MEGF10: variants seen among roughly 807,000 people sequenced by gnomAD.
MEGF10 encodes the protein multiple EGF like domains 10.
In MEGF10, 86 loss-of-function variants were observed where a neutral mutation model predicts 147.5. That is an observed-to-expected ratio of 0.58 (90% CI 0.49 to 0.70). The LOEUF is 0.70. Among genes scored for constraint, MEGF10 ranks in the 30% least tolerant of loss-of-function variants. MEGF10 has a pLI of 0.00. For synonymous variants in MEGF10, 478 were observed against 525.5 expected (o/e 0.91, Z 1.24); for missense variants, 1,329 against 1,487.3 (o/e 0.89, Z 1.75).
At chr5:127,238,322 C>T in the MEGF10 span, among the ~76,000 whole-genome samples, 1 of 152,090 alleles carries the variant, frequency 6.6e-6, no homozygotes, top group African/African-American at 2.4e-5. Flanking sequence ...TCCCAAATTT[C>T]TGGGATTACA....
intron 24 of MEGF10, among the ~76,000 whole-genome samples, chr5:127,456,386 C>G (rs1011175110): frequency 1.6e-4 from 24 of 152,192 alleles, no homozygotes; most frequent in Non-Finnish European, 3.2e-4. Context: ...CATTCCACCA[C>G]TACTCTTGGC....
the MEGF10 span, among the ~76,000 whole-genome samples, chr5:127,255,181 G>C: frequency 1.3e-5 from 2 of 151,994 alleles, no homozygotes; most frequent in African/African-American, 2.4e-5. Context: ...GGAGTCAGTT[G>C]GTTGCCAGAA....
the MEGF10 span, among the ~76,000 whole-genome samples, chr5:127,247,282 G>T: frequency 4.0e-5 from 5 of 123,916 alleles, 1 homozygote; most frequent in South Asian, 1.1e-3. Flanking sequence ...TGTGTGTGTG[G>T]TTGGGGGGTG....
chr5:127,295,548 T>C (rs1208008226), intron 1 of MEGF10, among the ~76,000 whole-genome samples: 1 of 152,354 alleles, frequency 6.6e-6, no homozygotes, highest in East Asian at 1.9e-4. Flanking sequence ...AACATTTGAA[T>C]AAGTGAATGA....
chr5:127,319,489 G>A lies in MEGF10; in HGVS notation c.-18-11802G>A, dbSNP rs187802036. Among the ~76,000 whole-genome samples the A allele has an allele frequency of 3.4e-3, 521 of 152,204 alleles. 2 individuals carry two copies. The highest frequency in any genetic ancestry group is 0.012 in the African/African-American group (488 of 41,540). On this transcript the variant is annotated intron_variant, in intron 1 of 24. Transcript: ENST00000503335. Reference sequence around the variant, plus strand: ...TTCATTCATTCATTTGCTGTGCTGGGTGCTGTTTTAGGTACTGAGGATACT... The same window carrying A: ...TTCATTCATTCATTTGCTGTGCTGGATGCTGTTTTAGGTACTGAGGATACT...
intron 4 of MEGF10, among the ~76,000 whole-genome samples, chr5:127,352,826 G>A (rs934174208): frequency 2.0e-5 from 3 of 152,204 alleles, no homozygotes; most frequent in African/African-American, 7.2e-5. Context: ...AGAGAAACAG[G>A]TTGATTTGGG....
In MEGF10 at chr5:127,334,760, G is replaced by A. The variant is rs150257972; in HGVS notation, c.116+3336G>A. Reference sequence around the variant, plus strand: ...TTCAGTGGGGTTTCTTCTAAAGAAGGCACAAGTGAAGAGAAACCACACTTT... The same window carrying A: ...TTCAGTGGGGTTTCTTCTAAAGAAGACACAAGTGAAGAGAAACCACACTTT... On this transcript the variant is annotated intron_variant, in intron 2 of 24. Coordinates refer to ENST00000503335, the MANE Select transcript of MEGF10 (RefSeq NM_001256545.2). Among the ~76,000 whole-genome samples the A allele has an allele frequency of 8.3e-3, 1,265 of 152,164 alleles. 5 individuals carry two copies. The highest frequency in any genetic ancestry group is 0.013 in the Non-Finnish European group (917 of 68,004).
chr5:127,380,503 T>A (rs1359189686), intron 5 of MEGF10, among the ~76,000 whole-genome samples: 1 of 150,044 alleles, frequency 6.7e-6, no homozygotes. Flanking sequence ...GTAGACACAT[T>A]CTTTTTTTTC....
At chr5:127,246,535 A>T in the MEGF10 span, among the ~76,000 whole-genome samples, 1 of 151,804 alleles carries the variant, frequency 6.6e-6, no homozygotes, top group African/African-American at 2.4e-5. Context: ...GCAAATTACC[A>T]TGGCACATGT....
chr5:127,365,606 A>G (rs1373603235), intron 4 of MEGF10, among the ~76,000 whole-genome samples: 7 of 152,198 alleles, frequency 4.6e-5, no homozygotes. Context: ...TGTTCTTCTC[A>G]TCAGTGTCTC....
chr5:127,302,787 G>C (rs926453191), intron 1 of MEGF10, among the ~76,000 whole-genome samples: 1 of 152,156 alleles, frequency 6.6e-6, no homozygotes, highest in Non-Finnish European at 1.5e-5. Context: ...GTCTGTTTAT[G>C]AGGAAAGGAA....
chr5:127,393,798 G>A (rs1400320665), intron 5 of MEGF10, among the ~76,000 whole-genome samples: 1 of 151,246 alleles, frequency 6.6e-6, no homozygotes, highest in Non-Finnish European at 1.5e-5. Context: ...ATTATGATAA[G>A]ATATCTTCAA....
the MEGF10 span, among the ~76,000 whole-genome samples, chr5:127,264,112 G>A: frequency 6.6e-6 from 1 of 152,086 alleles, no homozygotes; most frequent in Non-Finnish European, 1.5e-5. Context: ...TTTAGGCCCA[G>A]ATGACCTCAC....
chr5:127,319,712 C>T (rs1760717910), intron 1 of MEGF10, among the ~76,000 whole-genome samples: 1 of 152,168 alleles, frequency 6.6e-6, no homozygotes, highest in Admixed American at 6.5e-5. Flanking sequence ...TCACAAGTTG[C>T]CTTATTAAAG....
chr5:127,298,095 GA>G (rs996873575), intron 1 of MEGF10, among the ~76,000 whole-genome samples: 2 of 152,182 alleles, frequency 1.3e-5, no homozygotes, highest in Non-Finnish European at 2.9e-5. Context: ...TGGGACTATG[GA>G]AAGAGTTCAT....
intron 5 of MEGF10, among the ~76,000 whole-genome samples, chr5:127,380,185 C>T (rs570393870): frequency 2.6e-5 from 4 of 151,920 alleles, no homozygotes; most frequent in Non-Finnish European, 2.9e-5. Context: ...CAGTCCTGGG[C>T]ACTCAGTTAT....
chr5:127,250,687 A>G, the MEGF10 span, among the ~76,000 whole-genome samples: 4 of 152,028 alleles, frequency 2.6e-5, no homozygotes, highest in Admixed American at 2.6e-4. Context: ...CAGACCAAAA[A>G]AGAATAACAT....
the MEGF10 span, chr5:127,229,452 C>T: frequency 1.3e-5 from 2 of 151,976 alleles, no homozygotes; most frequent in Admixed American, 1.3e-4. Context: ...GTCACCTCGC[C>T]GGGTCGAGGC....
intron 10 of MEGF10, among the ~76,000 whole-genome samples, chr5:127,418,733 G>A (rs1764871418): frequency 6.6e-6 from 1 of 152,150 alleles, no homozygotes; most frequent in African/African-American, 2.4e-5. Context: ...GAAGGGTTGA[G>A]ATCTAATGTA....
Sources: allele counts gnomAD v4.1 joint callset (sites outside exome capture counted in the v4.1 genomes callset), GRCh38; gene constraint gnomAD v4.1.1; transcripts MANE v1.5; gene names NCBI Gene and HGNC (gene_info 2026-07-23, HGNC 2026-07-21).